The following RTF2 variants were observed in gnomAD, a reference collection of about 807,000 sequenced individuals.
RTF2 encodes replication termination factor 2.
In RTF2, 18 loss-of-function variants were observed where a neutral mutation model predicts 38.0. The observed-to-expected ratio is 0.47, with a 90% confidence interval of 0.33 to 0.70. The LOEUF (loss-of-function observed/expected upper bound fraction) is 0.70, where lower values mean the gene tolerates loss of function less well. Ranked by LOEUF, RTF2 falls within the 30% of genes least tolerant of loss-of-function variation. The pLI is 0.02. For missense variants in RTF2, 311 were observed against 379.6 expected, an observed-to-expected ratio of 0.82 and a Z score of 1.50; for synonymous variants, 126 against 137.1, an observed-to-expected ratio of 0.92 and a Z score of 0.57.
chr20:56,483,368 G>A (rs1982622810), intron 4 of RTF2, among the ~76,000 whole-genome samples: 1 of 150,234 alleles, frequency 6.7e-6, no homozygotes, highest in South Asian at 2.1e-4. Context: ...AGCGACAAGC[G>A]ACAGAATCTG....
rs576237332 is a variant in RTF2 at position 56,485,080 on chromosome 20, G to GGA, written c.477+900_477+901dup. Among the ~76,000 whole-genome samples the GGA allele has an allele frequency of 4.8e-4, 73 of 152,194 alleles. 1 individual carries two copies. In the East Asian group the frequency reaches 0.013, roughly 27 times the overall value. On this transcript the variant is annotated intron_variant, in intron 5 of 8. Transcript: ENST00000357348. ...CCCTCCTGCATCCCACATTCTGATT[G>GGA]GAGAGAGAGACCCTCAAGTAGATGA...
chr20:56,470,190 G>A (rs1174732490), intron 1 of RTF2, among the ~76,000 whole-genome samples: 2 of 152,234 alleles, frequency 1.3e-5, no homozygotes, highest in African/African-American at 2.4e-5. Context: ...ACAGGCGAAT[G>A]CTGGATAATT....
At chr20:56,512,276 G>C (rs1022131538) in intron 5 of RTF2, among the ~76,000 whole-genome samples, 1 of 152,154 alleles carries the variant, frequency 6.6e-6, no homozygotes, top group Non-Finnish European at 1.5e-5. Context: ...TCCACTCCTC[G>C]TTCTCTTTTT....
At chr20:56,477,705 A>T (rs980995408) in intron 4 of RTF2, among the ~76,000 whole-genome samples, 1 of 152,190 alleles carries the variant, frequency 6.6e-6, no homozygotes, top group South Asian at 2.1e-4. Context: ...TTTTGTAGAG[A>T]TAGGGTCTCC....
chr20:56,477,016 C>G lies in RTF2; in HGVS notation c.290C>G (p.Pro97Arg), dbSNP rs1377595805. 2.5e-6 allele frequency: 4 copies of G among 1,613,882 alleles called. No homozygotes were observed. The highest frequency in any genetic ancestry group is 3.4e-6 in the Non-Finnish European group (4 of 1,179,942). The change falls in exon 4 of 9, where the codon CCT (proline) becomes CGT (arginine). Residue 97 changes from proline (P) to arginine (R), a missense_variant. By Grantham distance (103) the Pro-to-Arg change is moderately radical. Coordinates refer to ENST00000357348, the MANE Select transcript of RTF2 (RefSeq NM_016407.5). ...ACAGAGCTGAAGCTTTCTGATAATC[C>G]TGCCTGGGAAGGGGATAAAGGAAAC... ...NVTELKLSDN[P>R]AWEGDKGNTK...
At chr20:56,478,569 A>G (rs748137057) in intron 4 of RTF2, among the ~76,000 whole-genome samples, 1 of 152,214 alleles carries the variant, frequency 6.6e-6, no homozygotes, top group South Asian at 2.1e-4. Flanking sequence ...CAAAGTACCT[A>G]TCTTAATTAA....
At chr20:56,494,994 A>G (rs1270682141) in intron 5 of RTF2, among the ~76,000 whole-genome samples, 1 of 152,098 alleles carries the variant, frequency 6.6e-6, no homozygotes, top group Non-Finnish European at 1.5e-5. Flanking sequence ...ATCAACCTGT[A>G]TTTTTTGTGA....
chr20:56,510,820 G>C (rs1198714466), intron 5 of RTF2, among the ~76,000 whole-genome samples: 2 of 152,162 alleles, frequency 1.3e-5, no homozygotes, highest in Admixed American at 1.3e-4. Flanking sequence ...CACACCTATA[G>C]CCCTAGCTAC....
At chr20:56,479,246 G>A in intron 4 of RTF2, among the ~76,000 whole-genome samples, 1 of 151,874 alleles carries the variant, frequency 6.6e-6, no homozygotes, top group East Asian at 1.9e-4. Context: ...GTTTTTTTGA[G>A]ACGGAGTCCA....
At chr20:56,517,400 G>A (rs1415866048) in intron 8 of RTF2, among the ~76,000 whole-genome samples, 199 bp downstream of exon 8, 1 of 152,172 alleles carries the variant, frequency 6.6e-6, no homozygotes, top group African/African-American at 2.4e-5. Context: ...TGGCAGGAGT[G>A]ATGGGGTCTG....
chr20:56,511,716 C>CCAG (rs938876344), intron 5 of RTF2, among the ~76,000 whole-genome samples: 4 of 152,248 alleles, frequency 2.6e-5, no homozygotes, highest in African/African-American at 9.6e-5. Flanking sequence ...CACCTGCACC[C>CCAG]CAGATGTGAC....
intron 5 of RTF2, among the ~76,000 whole-genome samples, chr20:56,500,442 C>A (rs1983854521): frequency 6.6e-6 from 1 of 152,158 alleles, no homozygotes; most frequent in African/African-American, 2.4e-5. Context: ...CAAATGATAC[C>A]CCATGTAAAT....
chr20:56,477,186 G>A (rs898798246), intron 4 of RTF2, 62 bp downstream of exon 4: 3 of 1,588,938 alleles, frequency 1.9e-6, no homozygotes, highest in Non-Finnish European at 2.6e-6. Flanking sequence ...GGTTTTGGTG[G>A]CAGTGGTGCC....
intron 4 of RTF2, among the ~76,000 whole-genome samples, chr20:56,483,468 A>C (rs1982626621): frequency 6.6e-6 from 1 of 151,834 alleles, no homozygotes. Context: ...GACTGCAGGG[A>C]CCCACCATCA....
intron 1 of RTF2, among the ~76,000 whole-genome samples, chr20:56,472,960 G>A (rs907167362): frequency 1.3e-5 from 2 of 152,010 alleles, no homozygotes; most frequent in African/African-American, 4.8e-5. Context: ...GCAAAACCAC[G>A]TCTCTACAAA....
intron 5 of RTF2, among the ~76,000 whole-genome samples, chr20:56,491,114 G>A (rs1983100468): frequency 6.6e-6 from 1 of 152,224 alleles, no homozygotes; most frequent in South Asian, 2.1e-4. Flanking sequence ...CGCCAGAATA[G>A]GGTTACATTG....
chr20:56,514,584 A>G (rs1984900173), intron 6 of RTF2, among the ~76,000 whole-genome samples: 1 of 152,142 alleles, frequency 6.6e-6, no homozygotes, highest in African/African-American at 2.4e-5. Context: ...TTAAAAAATC[A>G]TAACAAGACA....
At chr20:56,496,183 G>C (rs1383809676) in intron 5 of RTF2, among the ~76,000 whole-genome samples, 2 of 152,128 alleles carry the variant, frequency 1.3e-5, no homozygotes, top group Non-Finnish European at 2.9e-5. Context: ...TAAGTGGAAG[G>C]TCTTGCAAAA....
intron 1 of RTF2, among the ~76,000 whole-genome samples, chr20:56,472,732 G>A (rs2146313662): frequency 6.6e-6 from 1 of 151,638 alleles, no homozygotes; most frequent in Middle Eastern, 3.4e-3. Context: ...GTTAATATTT[G>A]TATGTGGCTT....
Sources: gnomAD v4.1 joint callset for allele counts (sites outside exome capture counted in the v4.1 genomes callset) on GRCh38, gnomAD v4.1.1 for gene constraint, MANE v1.5 for transcripts, NCBI Gene and HGNC (gene_info 2026-07-23, HGNC 2026-07-21) for gene names.